Variants in TIMELESS observed in about 807,000 individuals in gnomAD.
TIMELESS encodes timeless circadian regulator.
TIMELESS carries 124 observed loss-of-function variants against 164.3 expected under a neutral mutation model. That is an observed-to-expected ratio of 0.75 (90% CI 0.65 to 0.88). TIMELESS has a LOEUF of 0.88. Among genes scored for constraint, TIMELESS ranks in the 40% least tolerant of loss-of-function variants. The pLI is 0.00. For missense variants in TIMELESS, 1,422 were observed against 1,491.4 expected, an observed-to-expected ratio of 0.95 and a Z score of 0.77; for synonymous variants, 564 against 563.4, an observed-to-expected ratio of 1.00 and a Z score of -0.02.
chr12:56,433,403 G>T lies in TIMELESS; in HGVS notation c.407C>A (p.Thr136Asn), dbSNP rs745652301. 1.9e-6 allele frequency: 3 copies of T among 1,614,138 alleles called. No homozygotes were observed. The Admixed American group carries it at 5.0e-5, about 27-fold the overall frequency. Residue 136 changes from threonine to asparagine, a missense_variant, in exon 5 of 29, where the codon ACC becomes AAC. Thr to Asn is a moderately conservative substitution (Grantham distance 65, BLOSUM62 0). Coordinates refer to ENST00000553532, the MANE Select transcript of TIMELESS (RefSeq NM_003920.5). ...CACCAGCTGCAGCAGCTCATACAAG[G>T]TTTCACTGAGGACTCCAAAAGCCTT... ...SEKAFGVLSE[T>N]LYELLQLGWE...
At chr12:56,432,743 G>A (rs1881932684) in intron 6 of TIMELESS, among the ~76,000 whole-genome samples, 1 of 151,620 alleles carries the variant, frequency 6.6e-6, no homozygotes, top group Non-Finnish European at 1.5e-5. Context: ...AGGAGATCGA[G>A]GCCATCTTAG....
Position 56,425,114 on chromosome 12 carries a change from G to T in TIMELESS, c.1617C>A (p.Val539=), listed in dbSNP as rs113128353. ...TACCAGAAACAATGGCCTGGTCTAG[G>T]ACCTTCTTCTTCTTCTTCCTTCTCT... ...QKKRRKKKKK[V]LDQAIVSGNV... Residue 539 remains valine (V), a synonymous_variant, in exon 14 of 29, where the codon GTC becomes GTA. Transcript: ENST00000553532. 6.2e-7 allele frequency: 1 copy of T among 1,614,018 alleles called. No individual in the cohort carries two copies. Among genetic ancestry groups the T allele is most frequent in the African/African-American group, 1.3e-5 (1 of 75,048 alleles).
rs1281551279 is a variant in TIMELESS at position 56,431,547 on chromosome 12, C to T, written c.745G>A (p.Asp249Asn). The change falls in exon 8 of 29, where the codon GAT becomes AAT. Residue 249 changes from aspartate to asparagine, a missense_variant. By Grantham distance (23) the Asp-to-Asn change is conservative. Coordinates refer to ENST00000553532, the MANE Select transcript of TIMELESS (RefSeq NM_003920.5). ...QGRLAQERSA[D>N]FAELEVLRQR... The stretch of plus-strand genomic sequence containing the variant: ...CGCAACACCTCCAGTTCTGCAAAAT[C>T]TGCACTCCGCTCCTGAGCTAAGCGT... The T allele has an allele frequency of 8.1e-6, 13 of 1,613,902 alleles. No homozygotes were observed. The highest frequency in any genetic ancestry group is 9.3e-6 in the Non-Finnish European group (11 of 1,179,972).
intron 8 of TIMELESS, 49 bp from the exon 9 acceptor site, chr12:56,431,017 T>A: frequency 7.7e-7 from 1 of 1,295,092 alleles, no homozygotes; most frequent in Non-Finnish European, 1.1e-6. Context: ...TCTGGAAACT[T>A]TATCTCCATT....
chr12:56,429,043 A>G lies in TIMELESS; in HGVS notation c.1144T>C (p.Leu382=), dbSNP rs1404848880. The G allele has an allele frequency of 6.2e-7, 1 of 1,614,134 alleles. No individual in the cohort carries two copies. Among genetic ancestry groups the G allele is most frequent in the Non-Finnish European group, 8.5e-7 (1 of 1,180,026 alleles). ...QHDETYYMWA[L]AFFMAFNRAA... is the part of the protein sequence containing the mutation. ...CGGTTGAAGGCCATGAAGAAAGCCAAGGCCCACATATAATAGGTCTCATCA... is the reference window on the plus strand; with the variant it reads ...CGGTTGAAGGCCATGAAGAAAGCCAGGGCCCACATATAATAGGTCTCATCA... The change falls in exon 11 of 29, where the codon TTG becomes CTG. Residue 382 remains leucine (L), a synonymous_variant. Transcript: ENST00000553532.
At position 56,430,181 on chromosome 12, in the gene TIMELESS, T is replaced by A. The variant is rs545073777; in HGVS notation, c.1010A>T (p.Asn337Ile). 103 of 1,613,922 alleles carry A rather than the reference T, an allele frequency of 6.4e-5. No individual in the cohort carries two copies. Among genetic ancestry groups the A allele is most frequent in the Admixed American group, 2.5e-4 (15 of 59,972 alleles). The part of the protein sequence containing the change: ...ELSIQRRSAL[N>I]VRLFLRDFCS... The stretch of plus-strand genomic sequence containing the variant: ...GAAGTCTCTGAGGAAGAGCCTCACA[T>A]TGAGGGCAGAACGGCGCTGAATGGA... The change falls in exon 10 of 29, where the codon AAT becomes ATT. Residue 337 changes from asparagine (N) to isoleucine (I), a missense_variant. Asn to Ile is a moderately radical substitution (Grantham distance 149). Coordinates refer to ENST00000553532, the MANE Select transcript of TIMELESS (RefSeq NM_003920.5).
chr12:56,449,038 G>C (rs548592998), intron 1 of TIMELESS, among the ~76,000 whole-genome samples: 2 of 152,198 alleles, frequency 1.3e-5, no homozygotes, highest in African/African-American at 4.8e-5. Flanking sequence ...GGAATTCCAA[G>C]CCCCTTTCCA....
intron 11 of TIMELESS, 90 bp downstream of exon 11, chr12:56,428,793 C>T (rs961031808): frequency 1.1e-5 from 16 of 1,507,912 alleles, no homozygotes; most frequent in Non-Finnish European, 1.3e-5. Context: ...AGACTGATCA[C>T]CTGAACCCTG....
chr12:56,441,178 A>G (rs1161448159), intron 1 of TIMELESS, among the ~76,000 whole-genome samples: 1 of 152,210 alleles, frequency 6.6e-6, no homozygotes, highest in Non-Finnish European at 1.5e-5. Flanking sequence ...TGTCTTTTTA[A>G]ATGTTATTTT....
intron 26 of TIMELESS, 73 bp downstream of exon 26, chr12:56,420,496 T>C: frequency 8.5e-7 from 1 of 1,172,850 alleles, no homozygotes. Context: ...ACCATGACAG[T>C]GAGGAGGAGG....
chr12:56,432,319 C>A, intron 7 of TIMELESS, 50 bp downstream of exon 7: 1 of 1,569,998 alleles, frequency 6.4e-7, no homozygotes, highest in Non-Finnish European at 8.7e-7. Flanking sequence ...GGCTGTACAG[C>A]AGAAAAGTAC....
intron 10 of TIMELESS, 146 bp downstream of exon 10, chr12:56,429,959 T>G (rs1881817125): frequency 1.4e-6 from 1 of 696,170 alleles, no homozygotes; most frequent in African/African-American, 1.9e-5. Flanking sequence ...CTCAGGGACA[T>G]CCTAACTGTA....
At chr12:56,441,228 A>G (rs374866231) in intron 1 of TIMELESS, among the ~76,000 whole-genome samples, 1 of 152,218 alleles carries the variant, frequency 6.6e-6, no homozygotes. Flanking sequence ...TTAGAACACT[A>G]CTGATCTGCA....
intron 1 of TIMELESS, among the ~76,000 whole-genome samples, chr12:56,438,474 T>TATTTAAA (rs1882142119): frequency 6.6e-6 from 1 of 151,604 alleles, no homozygotes; most frequent in Non-Finnish European, 1.5e-5. Context: ...TGAAAGTCTA[T>TATTTAAA]ATTTAAAAAG....
Position 56,417,413 on chromosome 12 carries a change from C to T in TIMELESS, c.*303G>A, listed in dbSNP as rs1592241201. The T allele has an allele frequency of 9.3e-6, 3 of 321,306 alleles. No homozygotes were observed. In the East Asian group the frequency reaches 1.8e-4, roughly 19 times the overall value. 19.9% of individuals were successfully genotyped at this position (321,306 alleles called of 1,614,324 possible). A position where few individuals can be genotyped will look rare whatever the true frequency, so the allele number is the denominator to read the frequency against. On this transcript the variant is annotated 3_prime_UTR_variant, in exon 29 of 29. Coordinates refer to ENST00000553532, the MANE Select transcript of TIMELESS (RefSeq NM_003920.5). ...GGGGTCCGGGGTGCTTTCTCTATTT[C>T]ACTCACTCCTCTTATTTGCTAAGGA...
chr12:56,434,154 A>C lies in TIMELESS; in HGVS notation c.17T>G (p.Met6Arg), dbSNP rs1301090216. The C allele has an allele frequency of 6.2e-7, 1 of 1,614,230 alleles. No homozygotes were observed. The highest frequency in any genetic ancestry group is 2.2e-5 in the East Asian group (1 of 44,888). MDLHMMNCELLATCSA... is the reference protein window; with the variant it reads MDLHMRNCELLATCSA... Reference sequence around the variant, plus strand: ...ACATGTGGCTAGAAGTTCACAGTTCATCATGTGCAAGTCCATACATCAGTG... The same window carrying C: ...ACATGTGGCTAGAAGTTCACAGTTCCTCATGTGCAAGTCCATACATCAGTG... The change falls in exon 2 of 29, where the codon ATG becomes AGG. Residue 6 changes from methionine (M) to arginine (R), a missense_variant. By Grantham distance (91) the Met-to-Arg change is moderately conservative. Transcript: ENST00000553532.
chr12:56,422,109 C>T lies in TIMELESS; in HGVS notation c.2521G>A (p.Glu841Lys). ...RELYLANKDV[E>K]GQDVVEAILA... ...TCCAGATCCCAAGGCCTCTCACCTT[C>T]CACGTCCTTATTGGCGAGGTACAGC... is the stretch of plus-strand genomic sequence containing the variant. The change falls in exon 20 of 29, where the codon GAA becomes AAA. Residue 841 changes from glutamate to lysine, a missense_variant. By Grantham distance (56) the Glu-to-Lys change is moderately conservative. Coordinates refer to ENST00000553532, the MANE Select transcript of TIMELESS (RefSeq NM_003920.5). 6.2e-7 allele frequency: 1 copy of T among 1,614,196 alleles called. No individual in the cohort carries two copies. Among genetic ancestry groups the T allele is most frequent in the Non-Finnish European group, 8.5e-7 (1 of 1,180,040 alleles).
intron 1 of TIMELESS, among the ~76,000 whole-genome samples, chr12:56,447,351 C>A (rs928636688): frequency 1.3e-5 from 2 of 152,098 alleles, no homozygotes; most frequent in Non-Finnish European, 2.9e-5. Flanking sequence ...TGCACGAAAA[C>A]GTAAACTCTT....
chr12:56,432,504 A>G lies in TIMELESS; in HGVS notation c.552T>C (p.Ser184=), dbSNP rs757663426. ...DQEKKIDDDA[S]AHDQLLWAIH... ...TCGCCCAGAGGAGCTGGTCATGGGC[A>G]CTGGCGTCATCATCAATCTTCTGAG... Residue 184 remains serine (S), a synonymous_variant, in exon 7 of 29, where the codon AGT becomes AGC. Transcript: ENST00000553532. 1 of 1,614,054 alleles carries G rather than the reference A, an allele frequency of 6.2e-7. No individual in the cohort carries two copies. Among genetic ancestry groups the G allele is most frequent in the Non-Finnish European group, 8.5e-7 (1 of 1,179,994 alleles).
Sources: allele counts gnomAD v4.1 joint callset (sites outside exome capture counted in the v4.1 genomes callset), GRCh38; gene constraint gnomAD v4.1.1; transcripts MANE v1.5; gene names NCBI Gene and HGNC (gene_info 2026-07-23, HGNC 2026-07-21).